The following PTPRD variants were observed in gnomAD, a reference collection of about 807,000 sequenced individuals.
The protein encoded by PTPRD is receptor-type tyrosine-protein phosphatase delta.
In PTPRD, 34 loss-of-function variants were observed where a neutral mutation model predicts 214.5. The ratio of observed to expected loss-of-function variants is 0.16; its 90% CI spans 0.12 to 0.21. PTPRD has a LOEUF of 0.21. PTPRD is among the 10% of genes least tolerant of loss of function. The pLI is 1.00. For synonymous variants in PTPRD, 1,128 were observed against 845.7 expected (o/e 1.33, Z -5.79); for missense variants, 2,545 against 2,398.7 (o/e 1.06, Z -1.27).
At chr9:9,172,803 A>G (rs375739864) in intron 10 of PTPRD, among the ~76,000 whole-genome samples, 224 of 152,228 alleles carry the variant, frequency 1.5e-3, no homozygotes, top group African/African-American at 5.2e-3. Context: ...CATCTTATCC[A>G]GTACTTGCCT....
At chr9:8,482,178 T>C (rs116931411) in intron 30 of PTPRD, among the ~76,000 whole-genome samples, 5 of 152,212 alleles carry the variant, frequency 3.3e-5, no homozygotes, top group African/African-American at 1.2e-4. Flanking sequence ...CATTTACTTC[T>C]GAATTTTTTT....
chr9:8,463,308 CAAAA>C (rs71308864), intron 32 of PTPRD, among the ~76,000 whole-genome samples: 1 of 28,850 alleles, frequency 3.5e-5, no homozygotes, highest in Middle Eastern at 0.031. Flanking sequence ...CAGAGGCAGC[CAAAA>C]AAAAAAAAAA....
chr9:9,168,674 C>A (rs2099908750), intron 10 of PTPRD, among the ~76,000 whole-genome samples: 1 of 152,012 alleles, frequency 6.6e-6, no homozygotes, highest in African/African-American at 2.4e-5. Flanking sequence ...TATTTGTTCT[C>A]TAACTTTGTA....
At chr9:9,394,747 A>T (rs899576308) in intron 9 of PTPRD, among the ~76,000 whole-genome samples, 1 of 152,114 alleles carries the variant, frequency 6.6e-6, no homozygotes, top group African/African-American at 2.4e-5. Flanking sequence ...TATGTAGCAT[A>T]TTGAAAGAAA....
At chr9:9,499,231 G>A (rs539387514) in intron 8 of PTPRD, among the ~76,000 whole-genome samples, 20 of 152,138 alleles carry the variant, frequency 1.3e-4, no homozygotes, top group South Asian at 4.1e-4. Context: ...TTATCAAGAC[G>A]TATGATGTTA....
chr9:8,468,096 T>C (rs1565048212), intron 31 of PTPRD, among the ~76,000 whole-genome samples: 1 of 152,040 alleles, frequency 6.6e-6, no homozygotes. Flanking sequence ...AGGGTTTCTT[T>C]AGAAGACTTA....
intron 12 of PTPRD, among the ~76,000 whole-genome samples, chr9:8,694,477 G>T (rs987304821): frequency 1.3e-5 from 2 of 152,118 alleles, no homozygotes; most frequent in African/African-American, 4.8e-5. Context: ...AATGTTCAGG[G>T]ATTTGGTATT....
intron 9 of PTPRD, among the ~76,000 whole-genome samples, chr9:9,194,762 A>G (rs2099937288): frequency 6.6e-6 from 1 of 152,128 alleles, no homozygotes. Context: ...CTAATAGCAC[A>G]TTGCATATTA....
chr9:9,479,117 T>C (rs2095268107), intron 8 of PTPRD, among the ~76,000 whole-genome samples: 1 of 151,936 alleles, frequency 6.6e-6, no homozygotes, highest in Non-Finnish European at 1.5e-5. Context: ...TTTAGACCAT[T>C]TTGCATCTAA....
intron 4 of PTPRD, among the ~76,000 whole-genome samples, chr9:9,947,416 A>ATATATAT (rs2092795269): frequency 2.6e-5 from 1 of 38,420 alleles, no homozygotes; most frequent in African/African-American, 1.9e-4. Context: ...TATATATTTT[A>ATATATAT]TATATATATT....
At chr9:8,849,505 C>T (rs980526994) in intron 11 of PTPRD, among the ~76,000 whole-genome samples, 2 of 152,148 alleles carry the variant, frequency 1.3e-5, no homozygotes, top group African/African-American at 2.4e-5. Context: ...GGATTACAGG[C>T]GTGAGCCACC....
chr9:9,467,346 G>C (rs1203210122), intron 8 of PTPRD, among the ~76,000 whole-genome samples: 1 of 148,842 alleles, frequency 6.7e-6, no homozygotes, highest in Non-Finnish European at 1.5e-5. Context: ...CCAGACCTTT[G>C]GGAGGCCAAG....
intron 33 of PTPRD, among the ~76,000 whole-genome samples, chr9:8,454,800 A>G (rs950447031): frequency 1.4e-5 from 2 of 138,060 alleles, no homozygotes; most frequent in African/African-American, 5.7e-5. Context: ...AAGTTACATC[A>G]CTGAATACAT....
intron 8 of PTPRD, among the ~76,000 whole-genome samples, chr9:9,426,305 C>A (rs2080895313): frequency 6.6e-6 from 1 of 152,216 alleles, no homozygotes; most frequent in South Asian, 2.1e-4. Flanking sequence ...GAGCCCTGCT[C>A]AGTGCTAGCA....
chr9:8,990,955 C>T (rs1308056734), intron 11 of PTPRD, among the ~76,000 whole-genome samples: 1 of 152,008 alleles, frequency 6.6e-6, no homozygotes, highest in Non-Finnish European at 1.5e-5. Context: ...TGGCTCATGT[C>T]TGTAGTCCCA....
At chr9:8,345,220 G>C (rs1396194308) in intron 39 of PTPRD, among the ~76,000 whole-genome samples, 1 of 152,022 alleles carries the variant, frequency 6.6e-6, no homozygotes, top group East Asian at 1.9e-4. Flanking sequence ...TGACACCTAA[G>C]AAGCATTCAG....
chr9:10,271,474 CAA>C (rs36044531), intron 3 of PTPRD, among the ~76,000 whole-genome samples: 81,687 of 148,602 alleles, frequency 0.55, 24,293 homozygotes, highest in Non-Finnish European at 0.68. Context: ...TTAATTATCT[CAA>C]GTGTTTTCTT....
At chr9:10,491,489 G>C (rs1351027465) in intron 2 of PTPRD, among the ~76,000 whole-genome samples, 1 of 151,616 alleles carries the variant, frequency 6.6e-6, no homozygotes, top group Non-Finnish European at 1.5e-5. Flanking sequence ...GGAATCTTTA[G>C]GTATAGATGC....
At chr9:10,057,502 A>C (rs2097676740) in intron 3 of PTPRD, among the ~76,000 whole-genome samples, 1 of 77,328 alleles carries the variant, frequency 1.3e-5, no homozygotes, top group South Asian at 3.2e-4. Context: ...TAAAGAAGAA[A>C]AAAATCCTCC....
Sources: gnomAD v4.1 joint callset for allele counts (sites outside exome capture counted in the v4.1 genomes callset) on GRCh38, gnomAD v4.1.1 for gene constraint, MANE v1.5 for transcripts, NCBI Gene and HGNC (gene_info 2026-07-23, HGNC 2026-07-21) for gene names.